EHBP1: variants seen among roughly 807,000 people sequenced by gnomAD.
EHBP1 encodes EH domain-binding protein 1.
A neutral mutation model predicts 144.0 loss-of-function variants in EHBP1; 55 were observed. The observed-to-expected ratio is 0.38, with a 90% CI of 0.31 to 0.48. The LOEUF is 0.48. Among genes scored for constraint, EHBP1 ranks in the 20% least tolerant of loss-of-function variants. EHBP1 has a pLI of 0.98. For missense variants in EHBP1, 1,200 were observed against 1,364.2 expected (o/e 0.88, Z 1.90); for synonymous variants, 469 against 472.7 (o/e 0.99, Z 0.10).
At chr2:62,697,221 TAAAA>T (rs1307409283) in intron 1 of EHBP1, among the ~76,000 whole-genome samples, 1 of 152,242 alleles carries the variant, frequency 6.6e-6, no homozygotes, top group Non-Finnish European at 1.5e-5. Flanking sequence ...AGACATAACT[TAAAA>T]AAATCAATGT....
rs181812036 is a variant in EHBP1 at position 62,908,222 on chromosome 2, A to T, written c.1185+33690A>T. On this transcript the variant is annotated intron_variant, in intron 10 of 22. Coordinates refer to ENST00000431489, the MANE Select transcript of EHBP1 (RefSeq NM_001142616.3). ...GTTTGTCCATTTCATCTTAGCTGTC[A>T]AATTAATTGGCATAAAGTTCATAAT... Among the ~76,000 whole-genome samples, 358 of 152,324 alleles carry T rather than the reference A, an allele frequency of 2.4e-3. 3 individuals carry two copies. The highest frequency in any genetic ancestry group is 0.017 in the Middle Eastern group (5 of 294).
intron 19 of EHBP1, among the ~76,000 whole-genome samples, chr2:63,002,030 C>A (rs1025317734): frequency 6.6e-6 from 1 of 152,086 alleles, no homozygotes; most frequent in Non-Finnish European, 1.5e-5. Context: ...ATTTCTTTAC[C>A]CTGGTCATCA....
chr2:62,914,938 A>G (rs572240204), intron 10 of EHBP1, among the ~76,000 whole-genome samples: 3 of 152,164 alleles, frequency 2.0e-5, no homozygotes, highest in Admixed American at 1.3e-4. Flanking sequence ...AAATTTGCAG[A>G]AAAGTTGGAT....
At chr2:62,961,139 C>T (rs1016288405) in intron 14 of EHBP1, among the ~76,000 whole-genome samples, 1 of 152,198 alleles carries the variant, frequency 6.6e-6, no homozygotes, top group Non-Finnish European at 1.5e-5. Context: ...TACGTACAGA[C>T]TCCACTTAAG....
intron 19 of EHBP1, among the ~76,000 whole-genome samples, chr2:63,010,576 T>C (rs2060223111): frequency 6.6e-6 from 1 of 151,714 alleles, no homozygotes; most frequent in Non-Finnish European, 1.5e-5. Context: ...CTCTAAATGT[T>C]ATAGAATGTA....
chr2:62,837,410 A>G (rs1303017285), intron 7 of EHBP1, among the ~76,000 whole-genome samples: 1 of 150,394 alleles, frequency 6.6e-6, no homozygotes, highest in East Asian at 2.0e-4. Context: ...GACCATCGAG[A>G]CTAGGAAGAA....
At chr2:62,813,434 C>T (rs1457687145) in intron 5 of EHBP1, among the ~76,000 whole-genome samples, 1 of 152,196 alleles carries the variant, frequency 6.6e-6, no homozygotes, top group Admixed American at 6.5e-5. Flanking sequence ...CCCACTAGGG[C>T]AGTGTCTGGT....
chr2:62,756,338 T>C (rs944969444), intron 3 of EHBP1, among the ~76,000 whole-genome samples: 1 of 152,228 alleles, frequency 6.6e-6, no homozygotes, highest in Non-Finnish European at 1.5e-5. Context: ...TATTGTTGGA[T>C]GAATTTTCCG....
chr2:62,695,356 G>A (rs1459488255), intron 1 of EHBP1, among the ~76,000 whole-genome samples: 1 of 152,008 alleles, frequency 6.6e-6, no homozygotes, highest in Non-Finnish European at 1.5e-5. Flanking sequence ...GCGAGACTCT[G>A]TCTCAAAAAG....
At chr2:63,010,016 C>T (rs1444935606) in intron 19 of EHBP1, among the ~76,000 whole-genome samples, 1 of 151,416 alleles carries the variant, frequency 6.6e-6, no homozygotes, top group Non-Finnish European at 1.5e-5. Flanking sequence ...ACTATACTCA[C>T]CTATTTTTGG....
At chr2:62,912,628 G>A (rs1319461826) in intron 10 of EHBP1, among the ~76,000 whole-genome samples, 1 of 152,098 alleles carries the variant, frequency 6.6e-6, no homozygotes, top group Non-Finnish European at 1.5e-5. Context: ...GATACAACAA[G>A]TATAGTTGAA....
At chr2:62,733,136 G>C (rs1249626878) in intron 2 of EHBP1, among the ~76,000 whole-genome samples, 1 of 152,064 alleles carries the variant, frequency 6.6e-6, no homozygotes, top group Non-Finnish European at 1.5e-5. Context: ...TTTGTCTTTT[G>C]CTCTACCTTG....
chr2:62,990,930 C>G (rs1490470933), intron 16 of EHBP1, 90 bp downstream of exon 16: 1 of 1,462,244 alleles, frequency 6.8e-7, no homozygotes, highest in Non-Finnish European at 9.2e-7. Context: ...AATTTTTTAC[C>G]TAATTTTTCA....
At chr2:62,791,887 G>A (rs1427626658) in intron 5 of EHBP1, among the ~76,000 whole-genome samples, 1 of 151,824 alleles carries the variant, frequency 6.6e-6, no homozygotes, top group East Asian at 1.9e-4. Flanking sequence ...CTTTAAAACA[G>A]GGTTATTTTT....
chr2:62,716,443 T>C (rs1311348588), intron 2 of EHBP1, among the ~76,000 whole-genome samples: 30 of 152,218 alleles, frequency 2.0e-4, no homozygotes, highest in Admixed American at 1.3e-4. Flanking sequence ...GTGTCTTTTA[T>C]GGTCATCTTC....
chr2:62,950,221 A>G (rs1478395684), intron 13 of EHBP1, among the ~76,000 whole-genome samples: 1 of 152,024 alleles, frequency 6.6e-6, no homozygotes, highest in Non-Finnish European at 1.5e-5. Flanking sequence ...GGGCCTCTGA[A>G]GTTCTCCAAG....
chr2:63,042,632 T>C (rs1307328104), intron 21 of EHBP1, among the ~76,000 whole-genome samples: 1 of 151,978 alleles, frequency 6.6e-6, no homozygotes, highest in East Asian at 1.9e-4. Context: ...GAAAATGTCA[T>C]TACTGAGCTA....
At chr2:62,694,893 C>T (rs1358551928) in intron 1 of EHBP1, among the ~76,000 whole-genome samples, 3 of 151,986 alleles carry the variant, frequency 2.0e-5, no homozygotes, top group Admixed American at 1.3e-4. Context: ...CCAATATTCC[C>T]AGAATTTTGT....
chr2:62,778,459 G>C (rs949995024), intron 5 of EHBP1, among the ~76,000 whole-genome samples: 3 of 151,618 alleles, frequency 2.0e-5, no homozygotes, highest in Non-Finnish European at 2.9e-5. Flanking sequence ...CAAGAGGATT[G>C]GTTGAGCCTG....
Sources: gnomAD v4.1 joint callset for allele counts (sites outside exome capture counted in the v4.1 genomes callset) on GRCh38, gnomAD v4.1.1 for gene constraint, MANE v1.5 for transcripts, NCBI Gene and HGNC (gene_info 2026-07-23, HGNC 2026-07-21) for gene names.